Variants in ANTXR2 observed in about 807,000 individuals in gnomAD.
ANTXR2 encodes the protein anthrax toxin receptor 2.
A neutral mutation model predicts 73.7 loss-of-function variants in ANTXR2; 44 were observed. That is an observed-to-expected ratio of 0.60 (90% CI 0.47 to 0.77). The LOEUF (loss-of-function observed/expected upper bound fraction) is 0.77. ANTXR2 is among the 30% of genes least tolerant of loss of function. The pLI is 0.00. For synonymous variants in ANTXR2, 217 were observed against 205.9 expected (o/e 1.05, Z -0.46); for missense variants, 604 against 592.5 (o/e 1.02, Z -0.20).
intron 16 of ANTXR2, among the ~76,000 whole-genome samples, chr4:79,975,098 A>G (rs1334139018): frequency 6.6e-6 from 1 of 152,204 alleles, no homozygotes; most frequent in Admixed American, 6.5e-5. Context: ...ACCCCAGATT[A>G]TCTAGCAAAC....
intron 16 of ANTXR2, among the ~76,000 whole-genome samples, chr4:79,951,544 C>T (rs1026379420): frequency 2.6e-5 from 4 of 151,896 alleles, no homozygotes; most frequent in Admixed American, 2.0e-4. Context: ...CCACTGCATT[C>T]CAGCCTGGGG....
rs117207475 is a variant in ANTXR2, at chr4:79,931,500, C to T, written c.1429-24033G>A. On this transcript the variant is annotated intron_variant, in intron 16 of 16. Coordinates refer to ENST00000403729, the MANE Select transcript of ANTXR2 (RefSeq NM_058172.6). ...CTCTCTCTCTTTCTCCCCAAACACC[C>T]CACCCCCACTCCAACTTCCAGATAA... 2.4e-3 allele frequency among the ~76,000 whole-genome samples: 358 copies of T among 151,844 alleles called. 3 individuals are homozygous for T. Among genetic ancestry groups the T allele is most frequent in the East Asian group, 0.018 (93 of 5,158 alleles).
Position 79,901,818 on chromosome 4 carries a change from T to C in ANTXR2, c.*5611A>G, listed in dbSNP as rs1329653657. 2 of 152,316 alleles carry C rather than the reference T, an allele frequency of 1.3e-5. No individual in the cohort carries two copies. Among genetic ancestry groups the C allele is most frequent in the Non-Finnish European group, 2.9e-5 (2 of 68,278 alleles). The allele number at this position is 152,316 out of a possible 1,614,324, so 9.4% of individuals were successfully genotyped here. A position where few individuals can be genotyped will look rare whatever the true frequency, so the allele number is the denominator to read the frequency against. On this transcript the variant is annotated 3_prime_UTR_variant, in exon 17 of 17. Coordinates refer to ENST00000403729, the MANE Select transcript of ANTXR2 (RefSeq NM_058172.6). ...ATAAGAAATGCGCAACTTAGATCCC[T>C]CACACACAGTTCCAAAAGGGTTTGT...
intron 14 of ANTXR2, among the ~76,000 whole-genome samples, chr4:79,981,932 T>C (rs1729908717): frequency 6.6e-6 from 1 of 152,154 alleles, no homozygotes; most frequent in Non-Finnish European, 1.5e-5. Flanking sequence ...AGTTAAAAAC[T>C]CTTGAAACTT....
At chr4:79,957,073 A>T (rs1159302576) in intron 16 of ANTXR2, among the ~76,000 whole-genome samples, 2 of 152,084 alleles carry the variant, frequency 1.3e-5, no homozygotes, top group Non-Finnish European at 2.9e-5. Context: ...TTTTTATGTG[A>T]TTCCTTTTGG....
chr4:79,954,486 T>C (rs1397804449), intron 16 of ANTXR2, among the ~76,000 whole-genome samples: 1 of 152,178 alleles, frequency 6.6e-6, no homozygotes, highest in African/African-American at 2.4e-5. Context: ...GACAGGCATC[T>C]GTAGTTCTAG....
At chr4:80,007,736 G>C (rs1263717449) in intron 12 of ANTXR2, among the ~76,000 whole-genome samples, 1 of 152,148 alleles carries the variant, frequency 6.6e-6, no homozygotes, top group Admixed American at 6.6e-5. Context: ...ATGAGGCAAA[G>C]AATCTGAGTA....
At chr4:80,019,303 G>A (rs1253961236) in intron 10 of ANTXR2, among the ~76,000 whole-genome samples, 1 of 152,142 alleles carries the variant, frequency 6.6e-6, no homozygotes, top group East Asian at 1.9e-4. Flanking sequence ...GGAGGCGGAG[G>A]TTGCAGTGAG....
At chr4:79,929,768 A>G (rs571462376) in intron 16 of ANTXR2, among the ~76,000 whole-genome samples, 1 of 152,328 alleles carries the variant, frequency 6.6e-6, no homozygotes, top group South Asian at 2.1e-4. Flanking sequence ...AACCAGTTAC[A>G]AACATCTTTT....
rs72869239 is a variant in ANTXR2, at chr4:79,995,774, A to G, written c.1042-10911T>C. On this transcript the variant is annotated intron_variant, in intron 12 of 16. Coordinates refer to ENST00000403729, the MANE Select transcript of ANTXR2 (RefSeq NM_058172.6). The stretch of plus-strand genomic sequence containing the variant: ...ATTCATGACTTATTATACATTTAAA[A>G]TGAATTAAAGTCCTGACAAGTATAT... Among the ~76,000 whole-genome samples, 1,263 of 152,076 alleles carry G rather than the reference A, an allele frequency of 8.3e-3. 13 individuals are homozygous for G. The highest frequency in any genetic ancestry group is 0.029 in the African/African-American group (1,196 of 41,510).
intron 16 of ANTXR2, among the ~76,000 whole-genome samples, chr4:79,915,378 T>C (rs1156581462): frequency 1.3e-5 from 2 of 152,132 alleles, no homozygotes; most frequent in Non-Finnish European, 2.9e-5. Flanking sequence ...TCTTGAGCAT[T>C]AAAATTCCAC....
Position 79,978,006 on chromosome 4 carries a change from C to A in ANTXR2, c.1347+1G>T. ...AAATTACACAAAATCTGGACACATA[C>A]CTTAATTGGGGTGTACCATTTTGTC... On this transcript the variant is annotated splice_donor_variant, in intron 15 of 16. Coordinates refer to ENST00000403729, the MANE Select transcript of ANTXR2 (RefSeq NM_058172.6). LOFTEE classifies it high-confidence loss of function. The A allele has an allele frequency of 6.3e-7, 1 of 1,583,152 alleles. No individual in the cohort carries two copies. Among genetic ancestry groups the A allele is most frequent in the Non-Finnish European group, 8.6e-7 (1 of 1,168,762 alleles).
intron 16 of ANTXR2, among the ~76,000 whole-genome samples, chr4:79,911,163 G>A (rs1231387879): frequency 6.6e-6 from 1 of 152,154 alleles, no homozygotes; most frequent in Admixed American, 6.6e-5. Flanking sequence ...ACACTGCAGA[G>A]CAATTTTTAT....
chr4:80,041,562 T>A (rs1043880924), intron 7 of ANTXR2, among the ~76,000 whole-genome samples: 3 of 152,046 alleles, frequency 2.0e-5, no homozygotes, highest in Non-Finnish European at 4.4e-5. Context: ...CATCAACCTG[T>A]CACCTAGGTA....
intron 14 of ANTXR2, among the ~76,000 whole-genome samples, chr4:79,980,923 A>T (rs1729859672): frequency 6.8e-5 from 2 of 29,452 alleles, no homozygotes; most frequent in East Asian, 0.042. Context: ...AAGGGCTTTA[A>T]AAAAAAAAAA....
intron 11 of ANTXR2, among the ~76,000 whole-genome samples, chr4:80,018,585 A>G (rs1377041816): frequency 6.6e-6 from 1 of 152,192 alleles, no homozygotes; most frequent in Non-Finnish European, 1.5e-5. Context: ...TCTATATTTA[A>G]TGTTTTAAGA....
At chr4:80,017,710 GTGAGCTAAACAC>G (rs1731941757) in intron 11 of ANTXR2, among the ~76,000 whole-genome samples, 1 of 152,166 alleles carries the variant, frequency 6.6e-6, no homozygotes, top group Admixed American at 6.5e-5. Flanking sequence ...TGCCATTTCA[GTGAGCTAAACAC>G]TGAGAAACTA....
chr4:80,013,258 T>C (rs1194784440), intron 11 of ANTXR2, among the ~76,000 whole-genome samples: 1 of 152,250 alleles, frequency 6.6e-6, no homozygotes, highest in Non-Finnish European at 1.5e-5. Context: ...ACTAGATATA[T>C]GGTTACTTTC....
At chr4:79,947,613 T>C (rs1436578897) in intron 16 of ANTXR2, among the ~76,000 whole-genome samples, 4 of 152,170 alleles carry the variant, frequency 2.6e-5, no homozygotes, top group Admixed American at 1.3e-4. Context: ...CTTCTCCTGA[T>C]ACGCATCACT....
Sources: gnomAD v4.1 joint callset for allele counts (sites outside exome capture counted in the v4.1 genomes callset) on GRCh38, gnomAD v4.1.1 for gene constraint, MANE v1.5 for transcripts, NCBI Gene and HGNC (gene_info 2026-07-23, HGNC 2026-07-21) for gene names.